The following SEMA3D variants were observed in gnomAD, a reference collection of about 807,000 sequenced individuals.
SEMA3D encodes the protein semaphorin-3D.
A neutral mutation model predicts 100.1 loss-of-function variants in SEMA3D; 84 were observed. The ratio of observed to expected loss-of-function variants is 0.84; its 90% CI spans 0.70 to 1.01. SEMA3D has a LOEUF of 1.01. Among genes scored for constraint, SEMA3D ranks in the 50% least tolerant of loss-of-function variants. The pLI, the probability that SEMA3D is intolerant of heterozygous loss-of-function variation, is 0.00. For synonymous variants in SEMA3D, 312 were observed against 320.7 expected (o/e 0.97, Z 0.29); for missense variants, 875 against 934.1 (o/e 0.94, Z 0.82).
chr7:85,088,262 A>G (rs1788282475), intron 4 of SEMA3D, among the ~76,000 whole-genome samples: 1 of 152,178 alleles, frequency 6.6e-6, no homozygotes, highest in Non-Finnish European at 1.5e-5. Context: ...ATAAGACTTT[A>G]TAACAACATC....
chr7:85,054,085 A>G (rs753858717), intron 9 of SEMA3D, among the ~76,000 whole-genome samples: 5 of 152,014 alleles, frequency 3.3e-5, no homozygotes, highest in Non-Finnish European at 7.4e-5. Context: ...TATATATGGG[A>G]TAACTAGATT....
At chr7:85,145,195 A>G (rs1790167293) in intron 2 of SEMA3D, among the ~76,000 whole-genome samples, 2 of 152,098 alleles carry the variant, frequency 1.3e-5, no homozygotes, top group Admixed American at 1.3e-4. Context: ...AGTCTGGCAT[A>G]ATACATGTCA....
At chr7:85,105,755 A>T (rs1788901545) in intron 3 of SEMA3D, among the ~76,000 whole-genome samples, 2 of 152,082 alleles carry the variant, frequency 1.3e-5, no homozygotes, top group African/African-American at 4.8e-5. Flanking sequence ...CATTCTGTTC[A>T]TTGGTCTTAG....
the SEMA3D span, among the ~76,000 whole-genome samples, chr7:85,222,211 T>C: frequency 2.6e-5 from 4 of 152,096 alleles, no homozygotes; most frequent in African/African-American, 9.7e-5. Context: ...CGTATGTTTT[T>C]GAAGGTGATT....
Position 85,135,626 on chromosome 7 carries a change from G to A in SEMA3D, c.-40-13695C>T, listed in dbSNP as rs924166315. Among the ~76,000 whole-genome samples, 5 of 150,734 alleles carry A rather than the reference G, an allele frequency of 3.3e-5. No homozygotes were observed. In the Admixed American group the frequency reaches 3.3e-4, roughly 10 times the overall value. On this transcript the variant is annotated intron_variant, in intron 2 of 18. Coordinates refer to ENST00000284136, the MANE Select transcript of SEMA3D (RefSeq NM_001384900.1). ...CATATGTAACAAACCTGCACATTGT[G>A]CACATGTACCCTAGAACTTTAAGTA...
chr7:85,116,456 CAT>C (rs934217764), intron 3 of SEMA3D, among the ~76,000 whole-genome samples: 5 of 146,960 alleles, frequency 3.4e-5, no homozygotes, highest in African/African-American at 1.2e-4. Context: ...TATATAAATA[CAT>C]ATATATACAC....
chr7:85,063,589 T>C (rs1178322096), intron 8 of SEMA3D, among the ~76,000 whole-genome samples: 1 of 152,200 alleles, frequency 6.6e-6, no homozygotes, highest in Admixed American at 6.5e-5. Flanking sequence ...CTCTCAAATA[T>C]TCTTTGCAGT....
intron 12 of SEMA3D, among the ~76,000 whole-genome samples, chr7:85,036,356 A>C (rs551353200): frequency 6.6e-6 from 1 of 152,270 alleles, no homozygotes; most frequent in South Asian, 2.1e-4. Flanking sequence ...CTATTTGAAA[A>C]AAATTTTTGA....
intron 18 of SEMA3D, among the ~76,000 whole-genome samples, chr7:85,004,615 T>C (rs541660543): frequency 5.3e-4 from 81 of 152,192 alleles, no homozygotes; most frequent in African/African-American, 1.9e-3. Context: ...GAGAATAACC[T>C]GGTGACAGCC....
chr7:85,036,320 CA>C (rs1163614135), intron 12 of SEMA3D, among the ~76,000 whole-genome samples: 4 of 151,938 alleles, frequency 2.6e-5, no homozygotes, highest in African/African-American at 9.7e-5. Context: ...TTACTTACAT[CA>C]TTTGTGCTTT....
At chr7:85,089,556 G>A (rs1047094116) in intron 4 of SEMA3D, among the ~76,000 whole-genome samples, 1 of 152,112 alleles carries the variant, frequency 6.6e-6, no homozygotes, top group Non-Finnish European at 1.5e-5. Context: ...ATCTAGAAGA[G>A]TATCAGGAAT....
the SEMA3D span, among the ~76,000 whole-genome samples, chr7:85,224,147 G>C: frequency 2.0e-4 from 30 of 152,222 alleles, no homozygotes; most frequent in African/African-American, 7.2e-4. Context: ...ACTTAGAAGA[G>C]CACTGGGATT....
At chr7:85,174,408 G>A (rs1791169552) in intron 1 of SEMA3D, among the ~76,000 whole-genome samples, 1 of 152,084 alleles carries the variant, frequency 6.6e-6, no homozygotes, top group African/African-American at 2.4e-5. Context: ...AAATATATGG[G>A]AAATATAGGA....
intron 2 of SEMA3D, among the ~76,000 whole-genome samples, chr7:85,123,000 T>A (rs1396006440): frequency 6.6e-6 from 1 of 152,140 alleles, no homozygotes; most frequent in Non-Finnish European, 1.5e-5. Context: ...TTAAAAGTGC[T>A]TTACATAGAT....
In SEMA3D at chr7:85,055,876, A is replaced by T; in HGVS notation, c.719-17T>A. On this transcript the variant is annotated splice_polypyrimidine_tract_variant and intron_variant, in intron 8 of 18. Coordinates refer to ENST00000284136, the MANE Select transcript of SEMA3D (RefSeq NM_001384900.1). Reference sequence around the variant, plus strand: ...ATTTTGCTCCTGTTTGAAAGAAAAGAAGCTATAAATTAAGATACTGAAACA... The same window carrying T: ...ATTTTGCTCCTGTTTGAAAGAAAAGTAGCTATAAATTAAGATACTGAAACA... 1 of 1,454,612 alleles carries T rather than the reference A, an allele frequency of 6.9e-7. No individual in the cohort carries two copies. The highest frequency in any genetic ancestry group is 1.9e-5 in the Admixed American group (1 of 53,612). The allele number at this position is 1,454,612 out of a possible 1,614,324, so 90.1% of individuals were successfully genotyped here.
At chr7:85,037,149 A>G in intron 11 of SEMA3D, 116 bp from the exon 12 acceptor site, 1 of 929,156 alleles carries the variant, frequency 1.1e-6, no homozygotes, top group Non-Finnish European at 1.6e-6. Context: ...ATTAAATTTG[A>G]TGGGTACTGT....
chr7:85,099,168 G>A (rs1230116517), intron 3 of SEMA3D, among the ~76,000 whole-genome samples: 2 of 152,056 alleles, frequency 1.3e-5, no homozygotes, highest in African/African-American at 2.4e-5. Flanking sequence ...ATAGTGATAT[G>A]GTTTGGCTGT....
In SEMA3D at chr7:85,166,688, A is replaced by C. The variant is rs1790916552; in HGVS notation, c.-172-12949T>G. Among the ~76,000 whole-genome samples the C allele has an allele frequency of 1.3e-5, 2 of 151,992 alleles. 1 individual carries two copies. The highest frequency in any genetic ancestry group is 4.1e-4 in the South Asian group (2 of 4,836). ...GAATTGGGATGGGAACCCAGGTGGGACTAGGTTCACAGGACCTTCTCTGTA... is the reference window on the plus strand; with the variant it reads ...GAATTGGGATGGGAACCCAGGTGGGCCTAGGTTCACAGGACCTTCTCTGTA... On this transcript the variant is annotated intron_variant, in intron 1 of 18. Transcript: ENST00000284136.
Position 85,020,225 on chromosome 7 carries a change from A to T in SEMA3D, c.1503+8T>A. ...TCTTTTCTCCTGGCACTCTGGACTG[A>T]GTCTTACCTTGAATATCTGCAACTC... On this transcript the variant is annotated splice_region_variant and intron_variant, in intron 14 of 18. Coordinates refer to ENST00000284136, the MANE Select transcript of SEMA3D (RefSeq NM_001384900.1). 6.3e-7 allele frequency: 1 copy of T among 1,590,130 alleles called. No homozygotes were observed. The highest frequency in any genetic ancestry group is 8.6e-7 in the Non-Finnish European group (1 of 1,159,370).
Sources: gnomAD v4.1 joint callset for allele counts (sites outside exome capture counted in the v4.1 genomes callset) on GRCh38, gnomAD v4.1.1 for gene constraint, MANE v1.5 for transcripts, NCBI Gene and HGNC (gene_info 2026-07-23, HGNC 2026-07-21) for gene names.